Variants in AS3MT observed in about 807,000 individuals in gnomAD.
The protein encoded by AS3MT is arsenite methyltransferase, also known as S-adenosyl-L-methionine:arsenic(III) methyltransferase.
Under a neutral mutation model 45.3 loss-of-function variants are expected in AS3MT, and 47 were observed. That is an observed-to-expected ratio of 1.04 (90% CI 0.82 to 1.32). AS3MT has a LOEUF of 1.32. Ranked by LOEUF, AS3MT falls within the 40% of genes most tolerant of loss-of-function variation. The probability of loss-of-function intolerance (pLI) is 0.00; values close to 1 mark genes in which losing one functional copy is unlikely to be tolerated. For synonymous variants in AS3MT, 141 were observed against 152.8 expected (o/e 0.92, Z 0.57); for missense variants, 396 against 451.1 (o/e 0.88, Z 1.11).
intron 9 of AS3MT, among the ~76,000 whole-genome samples, chr10:102,887,203 C>T (rs1176327106): frequency 2.0e-5 from 3 of 152,088 alleles, no homozygotes; most frequent in African/African-American, 2.4e-5. Flanking sequence ...GTTATGATGT[C>T]TACTTTTCTG....
At chr10:102,894,429 T>TA (rs201784264) in intron 10 of AS3MT, among the ~76,000 whole-genome samples, 23 of 123,674 alleles carry the variant, frequency 1.9e-4, no homozygotes, top group African/African-American at 5.2e-4. Flanking sequence ...TCTCAAAAAA[T>TA]AAAAAAAAAT....
At chr10:102,883,033 CTAGT>C in intron 9 of AS3MT, among the ~76,000 whole-genome samples, 1 of 151,720 alleles carries the variant, frequency 6.6e-6, no homozygotes, top group Non-Finnish European at 1.5e-5. Flanking sequence ...TTGATTTGTT[CTAGT>C]GGCTTTCAAA....
chr10:102,869,873 C>G lies in AS3MT; in HGVS notation c.42+28C>G, dbSNP rs200446232. On this transcript the variant is annotated intron_variant, in intron 2 of 10. Transcript: ENST00000369880. ...GAGAGCTGTAGGGCCTGGAATGGCC[C>G]AAGTGGAGCCTAGGCTAATGGAAGT... is the stretch of plus-strand genomic sequence containing the variant. 8 of 1,613,058 alleles carry G rather than the reference C, an allele frequency of 5.0e-6. No individual in the cohort carries two copies. In the East Asian group the frequency reaches 1.8e-4, roughly 36 times the overall value.
chr10:102,878,568 G>A (rs1422424586), intron 8 of AS3MT, 58 bp downstream of exon 8: 6 of 1,585,806 alleles, frequency 3.8e-6, no homozygotes, highest in Non-Finnish European at 4.3e-6. Flanking sequence ...ATTGAAATGT[G>A]GTGATTAGTA....
chr10:102,878,741 C>T lies in AS3MT; in HGVS notation c.743-108C>T, dbSNP rs372391338. The T allele has an allele frequency of 2.1e-5, 29 of 1,406,976 alleles. No individual in the cohort carries two copies. In the East Asian group the frequency reaches 6.5e-4, roughly 32 times the overall value. The allele number at this position is 1,406,976 out of a possible 1,614,324, so 87.2% of individuals were successfully genotyped here. ...AAGTGCTCAGAAAGATAACTGATGA[C>T]ATGCAAGGAAGAAAATCATCTTTAT... is the stretch of plus-strand genomic sequence containing the variant. On this transcript the variant is annotated intron_variant, in intron 8 of 10. Coordinates refer to ENST00000369880, the MANE Select transcript of AS3MT (RefSeq NM_020682.4).
intron 3 of AS3MT, among the ~76,000 whole-genome samples, chr10:102,871,700 C>A (rs1844690916): frequency 6.7e-6 from 1 of 149,910 alleles, no homozygotes; most frequent in African/African-American, 2.4e-5. Context: ...TGCACTCCAG[C>A]CTGGGCGACA....
chr10:102,889,618 T>TGCCTGCCTGCCTGCCTG (rs1292952699), intron 9 of AS3MT, among the ~76,000 whole-genome samples: 29 of 95,016 alleles, frequency 3.1e-4, no homozygotes, highest in African/African-American at 1.0e-3. Flanking sequence ...CTGCCTGCCT[T>TGCCTGCCTGCCTGCCTG]CCTTCCTTCC....
In AS3MT at chr10:102,870,236, G is replaced by A. The variant is rs1161807608; in HGVS notation, c.170+25G>A. ...GGTAGAGTGCCCTGTGCTGTCCCCA[G>A]GAAGACCCCAAACAGCAGTTTTCCC... is the stretch of plus-strand genomic sequence containing the variant. On this transcript the variant is annotated intron_variant, in intron 3 of 10. Coordinates refer to ENST00000369880, the MANE Select transcript of AS3MT (RefSeq NM_020682.4). The A allele has an allele frequency of 2.5e-6, 4 of 1,613,502 alleles. No homozygotes were observed. In the South Asian group the frequency reaches 4.4e-5, roughly 18 times the overall value.
chr10:102,879,213 G>C (rs1212066003), intron 9 of AS3MT, among the ~76,000 whole-genome samples: 1 of 152,088 alleles, frequency 6.6e-6, no homozygotes, highest in Non-Finnish European at 1.5e-5. Flanking sequence ...AGGCTGGAGT[G>C]CAGTAGCACA....
intron 10 of AS3MT, among the ~76,000 whole-genome samples, chr10:102,895,758 A>G (rs4363528): frequency 0.3 from 45,460 of 151,168 alleles, 7,078 homozygotes; most frequent in East Asian, 0.48. Context: ...CAAATAAACA[A>G]AAAACCCCAA....
Position 102,873,205 on chromosome 10 carries a change from A to T in AS3MT, c.430A>T (p.Ile144Phe). Residue 144 changes from isoleucine to phenylalanine, a missense_variant, in exon 5 of 11, where the codon ATC becomes TTC. Transcript: ENST00000369880. Reference protein sequence around the residue: ...GYIEKLGEAGIKNESHDIVVS... With the variant: ...GYIEKLGEAGFKNESHDIVVS... ...CATTGAGAAGTTGGGAGAGGCTGGA[A>T]TCAAGAATGAGAGCCATGATATTGT... The T allele has an allele frequency of 1.9e-6, 3 of 1,608,808 alleles. No individual in the cohort carries two copies. Among genetic ancestry groups the T allele is most frequent in the Non-Finnish European group, 2.5e-6 (3 of 1,178,594 alleles).
chr10:102,888,610 G>A (rs555384390), intron 9 of AS3MT, among the ~76,000 whole-genome samples: 2 of 151,672 alleles, frequency 1.3e-5, no homozygotes, highest in East Asian at 2.0e-4. Flanking sequence ...TAGTAGAGAC[G>A]GGGTTTTACC....
intron 9 of AS3MT, among the ~76,000 whole-genome samples, chr10:102,879,411 C>T (rs915593629): frequency 6.6e-6 from 1 of 152,044 alleles, no homozygotes; most frequent in Non-Finnish European, 1.5e-5. Flanking sequence ...CCCACCTCAG[C>T]CTCCCAAAGT....
intron 9 of AS3MT, among the ~76,000 whole-genome samples, chr10:102,888,868 TATATATA>T (rs1564794466): frequency 7.2e-4 from 71 of 98,822 alleles, no homozygotes; most frequent in East Asian, 1.6e-3. Flanking sequence ...TATATATATA[TATATATA>T]TATATATTTT....
intron 9 of AS3MT, among the ~76,000 whole-genome samples, chr10:102,889,816 C>T (rs1315105487): frequency 4.0e-5 from 6 of 151,826 alleles, no homozygotes; most frequent in East Asian, 3.9e-4. Context: ...GCTGGGATTA[C>T]GGGCATGTGC....
In AS3MT at chr10:102,878,894, C is replaced by G. The variant is rs771442515; in HGVS notation, c.788C>G (p.Ser263Cys). 1.2e-6 allele frequency: 2 copies of G among 1,614,032 alleles called. No homozygotes were observed. Among genetic ancestry groups the G allele is most frequent in the Non-Finnish European group, 1.7e-6 (2 of 1,179,974 alleles). ...GCAACATTTCGCCTCTTCAAACACT[C>G]TAAGACAGGACCAACCAAGAGATGC... ...VSATFRLFKHSKTGPTKRCQV... is the reference protein window; with the variant it reads ...VSATFRLFKHCKTGPTKRCQV... The change falls in exon 9 of 11, where the codon TCT (serine) becomes TGT (cysteine). Residue 263 changes from serine to cysteine, a missense_variant. Physicochemically the swap from Ser to Cys is moderately radical, Grantham distance 112. Coordinates refer to ENST00000369880, the MANE Select transcript of AS3MT (RefSeq NM_020682.4).
At chr10:102,870,927 A>G (rs1183687416) in intron 3 of AS3MT, among the ~76,000 whole-genome samples, 1 of 152,190 alleles carries the variant, frequency 6.6e-6, no homozygotes, top group Non-Finnish European at 1.5e-5. Context: ...TTTTCTGTGC[A>G]CGATGTTTTA....
At position 102,878,908 on chromosome 10, in the gene AS3MT, A is replaced by AGTTATTT. The variant is rs766279552; in HGVS notation, c.802_803insGTTATTT (p.Thr268SerfsTer18). ...CTTCAAACACTCTAAGACAGGACCAACCAAGAGATGCCAAGTTATTTACAA... is the reference window on the plus strand; with the variant it reads ...CTTCAAACACTCTAAGACAGGACCAAGTTATTTCCAAGAGATGCCAAGTTATTTACAA... On this transcript the variant is annotated frameshift_variant, in exon 9 of 11. Coordinates refer to ENST00000369880, the MANE Select transcript of AS3MT (RefSeq NM_020682.4). LOFTEE classifies it high-confidence loss of function. The AGTTATTT allele has an allele frequency of 6.2e-7, 1 of 1,614,032 alleles. No homozygotes were observed. The highest frequency in any genetic ancestry group is 8.5e-7 in the Non-Finnish European group (1 of 1,180,004).
In AS3MT at chr10:102,900,540, G is replaced by A. The variant is rs969315395; in HGVS notation, c.1021-53G>A. 3 of 1,244,220 alleles carry A rather than the reference G, an allele frequency of 2.4e-6. No homozygotes were observed. The African/African-American group carries it at 4.4e-5, about 18-fold the overall frequency. The allele number at this position is 1,244,220 out of a possible 1,614,324, so 77.1% of individuals were successfully genotyped here. A position where few individuals can be genotyped will look rare whatever the true frequency, so the allele number is the denominator to read the frequency against. On this transcript the variant is annotated intron_variant, in intron 10 of 10. Transcript: ENST00000369880. ...ATCAAACAGAAATATTAGTGTTTGG[G>A]TACATCAAAACACCTTTAACTTGTC...
Sources: gnomAD v4.1 joint callset for allele counts (sites outside exome capture counted in the v4.1 genomes callset) on GRCh38, gnomAD v4.1.1 for gene constraint, MANE v1.5 for transcripts, NCBI Gene and HGNC (gene_info 2026-07-23, HGNC 2026-07-21) for gene names.